MARK3: variants seen among roughly 807,000 people sequenced by gnomAD.
MARK3 encodes MAP/microtubule affinity-regulating kinase 3.
A neutral mutation model predicts 90.1 loss-of-function variants in MARK3; 46 were observed. The ratio of observed to expected loss-of-function variants is 0.51; its 90% CI spans 0.40 to 0.65. The LOEUF (loss-of-function observed/expected upper bound fraction) is 0.65, where lower values mean the gene tolerates loss of function less well. Ranked by LOEUF, MARK3 falls within the 30% of genes least tolerant of loss-of-function variation. The pLI, the probability that MARK3 is intolerant of heterozygous loss-of-function variation, is 0.00. For synonymous variants in MARK3, 321 were observed against 332.6 expected (o/e 0.97, Z 0.38); for missense variants, 818 against 947.2 (o/e 0.86, Z 1.79).
intron 13 of MARK3, among the ~76,000 whole-genome samples, chr14:103,477,820 T>C (rs560411025): frequency 1.3e-5 from 2 of 151,780 alleles, no homozygotes; most frequent in South Asian, 4.2e-4. Context: ...ACCTCATCTC[T>C]ACAAAAAAAA....
chr14:103,467,962 A>G (rs1349467116), intron 11 of MARK3, 71 bp from the exon 12 acceptor site: 1 of 1,497,400 alleles, frequency 6.7e-7, no homozygotes, highest in Non-Finnish European at 9.1e-7. Flanking sequence ...GTGTTAATGA[A>G]AAGTTTAACT....
chr14:103,456,056 T>C (rs1391023322), intron 5 of MARK3, among the ~76,000 whole-genome samples: 1 of 152,200 alleles, frequency 6.6e-6, no homozygotes, highest in African/African-American at 2.4e-5. Flanking sequence ...GCTAATAATA[T>C]ATTCCTTGAA....
At chr14:103,393,059 C>G (rs1196875777) in intron 1 of MARK3, among the ~76,000 whole-genome samples, 1 of 152,228 alleles carries the variant, frequency 6.6e-6, no homozygotes, top group Non-Finnish European at 1.5e-5. Context: ...TCTTGGCTCA[C>G]TGCAACCTCC....
rs181289027 is a variant in MARK3, at chr14:103,455,524, C to T, written c.413-1618C>T. On this transcript the variant is annotated intron_variant, in intron 5 of 17. Transcript: ENST00000429436. ...GGCAGATCACTTGAGGCCAGGAGTTCGAGACCAGCCTGGCCAACGTGGTGA... is the reference window on the plus strand; with the variant it reads ...GGCAGATCACTTGAGGCCAGGAGTTTGAGACCAGCCTGGCCAACGTGGTGA... Among the ~76,000 whole-genome samples the T allele has an allele frequency of 3.4e-3, 517 of 152,130 alleles. 2 individuals carry two copies. Among genetic ancestry groups the T allele is most frequent in the African/African-American group, 0.012 (495 of 41,498 alleles).
intron 6 of MARK3, among the ~76,000 whole-genome samples, chr14:103,461,256 T>C (rs1042711452): frequency 2.0e-5 from 3 of 152,208 alleles, no homozygotes; most frequent in African/African-American, 7.2e-5. Flanking sequence ...TACAGCAAAA[T>C]AGCAAGACAT....
chr14:103,467,197 A>C lies in MARK3; in HGVS notation c.1110+6A>C. 6.9e-7 allele frequency: 1 copy of C among 1,444,220 alleles called. No homozygotes were observed. The allele number at this position is 1,444,220 out of a possible 1,614,324, so 89.5% of individuals were successfully genotyped here. ...TGGGGAGAAAATCTTCAGAGGTAAG[A>C]GTAATCAGAAAGAGCTGAAATACCC... On this transcript the variant is annotated splice_donor_region_variant and intron_variant, in intron 11 of 17. Transcript: ENST00000429436.
In MARK3 at chr14:103,385,829, G is replaced by C. The variant is rs2089742328; in HGVS notation, c.-201G>C. 1 of 475,606 alleles carries C rather than the reference G, an allele frequency of 2.1e-6. No homozygotes were observed. Among genetic ancestry groups the C allele is most frequent in the Non-Finnish European group, 3.7e-6 (1 of 270,528 alleles). The allele number at this position is 475,606 out of a possible 1,614,324, so 29.5% of individuals were successfully genotyped here. On this transcript the variant is annotated 5_prime_UTR_variant, in exon 1 of 18. Transcript: ENST00000429436. ...TCTCCTCGCCTCGGCCGCCGAGGCAGGGAGAGAATGAGCCCCGGGACCCGC... is the reference window on the plus strand; with the variant it reads ...TCTCCTCGCCTCGGCCGCCGAGGCACGGAGAGAATGAGCCCCGGGACCCGC...
chr14:103,396,061 G>C (rs1258334012), intron 1 of MARK3, among the ~76,000 whole-genome samples: 1 of 152,176 alleles, frequency 6.6e-6, no homozygotes, highest in African/African-American at 2.4e-5. Flanking sequence ...TTCTCTGCTT[G>C]TTTTCAGTGT....
Position 103,463,689 on chromosome 14 carries a change from T to G in MARK3, c.540+1228T>G, listed in dbSNP as rs138210124. Among the ~76,000 whole-genome samples, 4 of 152,302 alleles carry G rather than the reference T, an allele frequency of 2.6e-5. No homozygotes were observed. In the East Asian group the frequency reaches 7.7e-4, roughly 29 times the overall value. ...AGGTGATTCCGACACTACTTTCTTA[T>G]ATGTTCTTCTCTGTTTCTAGTGCCT... On this transcript the variant is annotated intron_variant, in intron 7 of 17. Coordinates refer to ENST00000429436, the MANE Select transcript of MARK3 (RefSeq NM_001128918.3).
intron 15 of MARK3, among the ~76,000 whole-genome samples, chr14:103,495,022 G>T (rs879918510): frequency 3.3e-5 from 5 of 152,066 alleles, no homozygotes; most frequent in Non-Finnish European, 4.4e-5. Flanking sequence ...TGTATAAAAT[G>T]AGTATCATAT....
chr14:103,400,294 CTT>C (rs1293788244), intron 1 of MARK3, among the ~76,000 whole-genome samples: 1 of 152,146 alleles, frequency 6.6e-6, no homozygotes, highest in Non-Finnish European at 1.5e-5. Context: ...ACCTAGTAGA[CTT>C]TAACTAATGA....
At chr14:103,445,024 T>TAC (rs2092958234) in intron 3 of MARK3, among the ~76,000 whole-genome samples, 1 of 152,222 alleles carries the variant, frequency 6.6e-6, no homozygotes, top group African/African-American at 2.4e-5. Flanking sequence ...TCTGTGCCAG[T>TAC]ACCCACCTGT....
At chr14:103,483,535 TCTTTTGAAAATTA>T (rs1467769661) in intron 14 of MARK3, among the ~76,000 whole-genome samples, 3 of 152,246 alleles carry the variant, frequency 2.0e-5, no homozygotes, top group Non-Finnish European at 4.4e-5. Flanking sequence ...AATTATTTTT[TCTTTTGAAAATTA>T]GTTTTATTAA....
chr14:103,407,334 A>G (rs554974907), intron 2 of MARK3, among the ~76,000 whole-genome samples: 123 of 152,206 alleles, frequency 8.1e-4, no homozygotes, highest in African/African-American at 2.8e-3. Context: ...ATTATTGTCA[A>G]TATTTACAGA....
chr14:103,396,499 A>G (rs550288984), intron 1 of MARK3, among the ~76,000 whole-genome samples: 2 of 152,260 alleles, frequency 1.3e-5, no homozygotes, highest in South Asian at 4.2e-4. Context: ...AAATGCAGCC[A>G]TGATTTATAA....
rs1398822483 is a variant in MARK3, at chr14:103,468,109, G to T, written c.1187G>T (p.Ser396Ile). 1 of 1,613,938 alleles carries T rather than the reference G, an allele frequency of 6.2e-7. No homozygotes were observed. The change falls in exon 12 of 18, where the codon AGT (serine) becomes ATT (isoleucine). Residue 396 changes from serine (S) to isoleucine (I), a missense_variant. This residue lies in a region of MARK3 where 560 missense variants were observed against 613.5 expected (regional missense o/e 0.91). Coordinates refer to ENST00000429436, the MANE Select transcript of MARK3 (RefSeq NM_001128918.3). ...AGGCCGAGCAGTGATCTCAACAACA[G>T]TACTGGCCAGTCTCCTCACCACAAA... is the stretch of plus-strand genomic sequence containing the variant. Reference protein sequence around the residue: ...KVRPSSDLNNSTGQSPHHKVQ... With the variant: ...KVRPSSDLNNITGQSPHHKVQ...
intron 1 of MARK3, among the ~76,000 whole-genome samples, chr14:103,390,501 C>G (rs1432571014): frequency 6.6e-6 from 1 of 152,008 alleles, no homozygotes; most frequent in Non-Finnish European, 1.5e-5. Context: ...GGTGTCCAAT[C>G]TTTTGGCTTC....
intron 3 of MARK3, among the ~76,000 whole-genome samples, chr14:103,436,674 A>G (rs892602105): frequency 6.6e-6 from 1 of 152,222 alleles, no homozygotes; most frequent in Non-Finnish European, 1.5e-5. Context: ...GTGCAGTGTC[A>G]TGATCATAGC....
At chr14:103,472,797 A>G (rs1346463880) in intron 12 of MARK3, among the ~76,000 whole-genome samples, 2 of 152,086 alleles carry the variant, frequency 1.3e-5, no homozygotes, top group African/African-American at 2.4e-5. Context: ...CACGAGGTCA[A>G]GAGATCGAGA....
Sources: allele counts gnomAD v4.1 joint callset (sites outside exome capture counted in the v4.1 genomes callset), GRCh38; gene constraint gnomAD v4.1.1; regional missense constraint gnomAD v4.1.1; transcripts MANE v1.5; gene names NCBI Gene and HGNC (gene_info 2026-07-23, HGNC 2026-07-21).